The following LRRC4C variants were observed in gnomAD, a reference collection of about 807,000 sequenced individuals.
LRRC4C encodes leucine-rich repeat-containing protein 4C.
A neutral mutation model predicts 33.6 loss-of-function variants in LRRC4C; 5 were observed. The observed-to-expected ratio is 0.15, with a 90% CI of 0.08 to 0.31. The LOEUF (loss-of-function observed/expected upper bound fraction) is 0.31. LRRC4C is among the 10% of genes least tolerant of loss of function. The pLI is 1.00. For synonymous variants in LRRC4C, 329 were observed against 302.0 expected, an observed-to-expected ratio of 1.09 and a Z score of -0.93; for missense variants, 560 against 796.7, an observed-to-expected ratio of 0.70 and a Z score of 3.58.
At chr11:41,238,684 A>G (rs1350599880) in intron 1 of LRRC4C, among the ~76,000 whole-genome samples, 1 of 152,200 alleles carries the variant, frequency 6.6e-6, no homozygotes, top group African/African-American at 2.4e-5. Flanking sequence ...ATTTGTCATG[A>G]CACAAAGCCT....
rs116032845 is a variant in LRRC4C, at chr11:40,248,546, C to T, written c.-175-6948G>A. ...AAAAGTTTGAGATCATCCCGGGTAA[C>T]ATAGGAAGACCACAGGCATGGTGGT... On this transcript the variant is annotated intron_variant, in intron 4 of 6. Coordinates refer to ENST00000528697, the MANE Select transcript of LRRC4C (RefSeq NM_001258419.2). Among the ~76,000 whole-genome samples the T allele has an allele frequency of 2.6e-3, 389 of 152,082 alleles. 2 individuals carry two copies. Among genetic ancestry groups the T allele is most frequent in the African/African-American group, 8.8e-3 (367 of 41,498 alleles).
intron 1 of LRRC4C, among the ~76,000 whole-genome samples, chr11:41,191,341 G>A (rs1945937502): frequency 6.6e-6 from 1 of 152,116 alleles, no homozygotes; most frequent in African/African-American, 2.4e-5. Context: ...AAACGTTCCT[G>A]ATTTTTCACT....
At chr11:40,940,811 T>C (rs1310211700) in intron 1 of LRRC4C, among the ~76,000 whole-genome samples, 1 of 152,094 alleles carries the variant, frequency 6.6e-6, no homozygotes, top group Non-Finnish European at 1.5e-5. Flanking sequence ...TGGGTTCATA[T>C]CCAGTTACTA....
At chr11:40,529,853 G>T (rs561994869) in intron 3 of LRRC4C, among the ~76,000 whole-genome samples, 3 of 152,188 alleles carry the variant, frequency 2.0e-5, no homozygotes, top group South Asian at 4.1e-4. Flanking sequence ...TGGAGAACTT[G>T]ATCTTGTAGA....
intron 2 of LRRC4C, among the ~76,000 whole-genome samples, chr11:40,789,171 T>C (rs1464569095): frequency 7.0e-6 from 1 of 142,518 alleles, no homozygotes; most frequent in Non-Finnish European, 1.5e-5. Flanking sequence ...ATGAAAGGAA[T>C]CAAGTTTGAA....
At chr11:40,963,403 A>G (rs1419129878) in intron 1 of LRRC4C, among the ~76,000 whole-genome samples, 1 of 151,714 alleles carries the variant, frequency 6.6e-6, no homozygotes, top group African/African-American at 2.4e-5. Flanking sequence ...ATAAATCAAC[A>G]TGGGATAAAT....
intron 1 of LRRC4C, among the ~76,000 whole-genome samples, chr11:41,311,642 A>C (rs935853483): frequency 4.6e-5 from 7 of 152,222 alleles, no homozygotes; most frequent in Non-Finnish European, 8.8e-5. Flanking sequence ...GAGTTAAATC[A>C]CCTGCCTAAA....
chr11:41,016,348 G>C (rs906544170), intron 1 of LRRC4C, among the ~76,000 whole-genome samples: 2 of 152,060 alleles, frequency 1.3e-5, no homozygotes, highest in Non-Finnish European at 2.9e-5. Context: ...CATGGTAGCA[G>C]GGATGCCTAT....
In LRRC4C at chr11:40,846,110, T is replaced by G. The variant is rs192246869; in HGVS notation, c.-407+87525A>C. ...GTCAGATGGACAGATTGCAAAAATT[T>G]TCTCCCATTCTGTAGGTTGCCTGTT... On this transcript the variant is annotated intron_variant, in intron 2 of 6. Coordinates refer to ENST00000528697, the MANE Select transcript of LRRC4C (RefSeq NM_001258419.2). 1.7e-3 allele frequency among the ~76,000 whole-genome samples: 264 copies of G among 152,194 alleles called. 2 individuals carry two copies. Among genetic ancestry groups the G allele is most frequent in the African/African-American group, 5.5e-3 (228 of 41,534 alleles).
intron 3 of LRRC4C, among the ~76,000 whole-genome samples, chr11:40,433,600 C>A (rs916791875): frequency 3.3e-5 from 5 of 152,198 alleles, no homozygotes; most frequent in African/African-American, 1.2e-4. Context: ...GAGTGACAAG[C>A]TCCCTGACGA....
intron 3 of LRRC4C, among the ~76,000 whole-genome samples, chr11:40,355,643 C>A (rs928768031): frequency 6.6e-6 from 1 of 152,096 alleles, no homozygotes; most frequent in South Asian, 2.1e-4. Flanking sequence ...ATGCACTGTC[C>A]CTCCCGCAAG....
intron 4 of LRRC4C, among the ~76,000 whole-genome samples, chr11:40,279,010 G>A (rs1246072492): frequency 6.6e-6 from 1 of 152,070 alleles, no homozygotes. Context: ...ATATTTGAGG[G>A]AATGCAAAAC....
intron 2 of LRRC4C, among the ~76,000 whole-genome samples, chr11:40,669,804 C>T (rs1161751257): frequency 6.6e-6 from 1 of 152,230 alleles, no homozygotes; most frequent in African/African-American, 2.4e-5. Context: ...CAATGTAACA[C>T]TCTGCTGGCT....
At chr11:40,226,394 T>G (rs1434067693) in intron 5 of LRRC4C, among the ~76,000 whole-genome samples, 1 of 152,228 alleles carries the variant, frequency 6.6e-6, no homozygotes, top group Non-Finnish European at 1.5e-5. Flanking sequence ...CACATTAAAC[T>G]CCACTCGATC....
intron 1 of LRRC4C, among the ~76,000 whole-genome samples, chr11:41,179,166 G>C (rs947758386): frequency 2.3e-4 from 35 of 151,220 alleles, no homozygotes; most frequent in African/African-American, 8.3e-4. Flanking sequence ...ATTTAGAAAA[G>C]GAAGCAATCC....
chr11:40,688,429 T>G (rs1219391628), intron 2 of LRRC4C, among the ~76,000 whole-genome samples: 5 of 152,174 alleles, frequency 3.3e-5, no homozygotes, highest in Admixed American at 3.3e-4. Context: ...CTGGCAGCTT[T>G]TACTTACTTA....
intron 6 of LRRC4C, among the ~76,000 whole-genome samples, chr11:40,130,805 A>G (rs1856596096): frequency 6.6e-6 from 1 of 152,060 alleles, no homozygotes; most frequent in Non-Finnish European, 1.5e-5. Flanking sequence ...TCCGACTCTA[A>G]AAATACTCCC....
At chr11:41,310,762 C>CA (rs1950622406) in intron 1 of LRRC4C, among the ~76,000 whole-genome samples, 1 of 152,146 alleles carries the variant, frequency 6.6e-6, no homozygotes, top group Non-Finnish European at 1.5e-5. Context: ...AAAAAACCAA[C>CA]ATTGTGTTTA....
intron 2 of LRRC4C, among the ~76,000 whole-genome samples, chr11:40,840,069 A>T (rs1952846896): frequency 6.6e-6 from 1 of 152,182 alleles, no homozygotes; most frequent in South Asian, 2.1e-4. Flanking sequence ...GAATTTCCAG[A>T]GTGCCAAAAA....
Sources: gnomAD v4.1 joint callset for allele counts (sites outside exome capture counted in the v4.1 genomes callset) on GRCh38, gnomAD v4.1.1 for gene constraint, MANE v1.5 for transcripts, NCBI Gene and HGNC (gene_info 2026-07-23, HGNC 2026-07-21) for gene names.